Variants in FHIT observed in about 807,000 individuals in gnomAD.
The protein encoded by FHIT is bis(5'-adenosyl)-triphosphatase.
FHIT carries 19 observed loss-of-function variants against 17.9 expected under a neutral mutation model. That is an observed-to-expected ratio of 1.06 (90% CI 0.74 to 1.56). FHIT has a LOEUF of 1.56. Ranked by LOEUF, FHIT falls within the 40% of genes most tolerant of loss-of-function variation. FHIT has a pLI of 0.00. For missense variants in FHIT, 248 were observed against 189.2 expected (o/e 1.31, Z -1.82); for synonymous variants, 81 against 69.7 (o/e 1.16, Z -0.81).
chr3:60,776,569 C>T (rs1368411839), intron 4 of FHIT, among the ~76,000 whole-genome samples: 3 of 152,142 alleles, frequency 2.0e-5, no homozygotes, highest in African/African-American at 7.2e-5. Flanking sequence ...GTTTTCAGAA[C>T]TATATTGACT....
chr3:61,145,906 T>A (rs548545455), intron 2 of FHIT, among the ~76,000 whole-genome samples: 1 of 152,070 alleles, frequency 6.6e-6, no homozygotes, highest in Non-Finnish European at 1.5e-5. Context: ...AATAGTTTTT[T>A]AGTGAATTTG....
intron 8 of FHIT, among the ~76,000 whole-genome samples, chr3:59,757,773 C>A (rs1701293335): frequency 6.6e-6 from 1 of 152,078 alleles, no homozygotes; most frequent in Admixed American, 6.5e-5. Context: ...CTTAAATAAA[C>A]CATTTCTTAT....
chr3:59,971,957 G>A (rs964316626), intron 7 of FHIT, among the ~76,000 whole-genome samples: 4 of 152,150 alleles, frequency 2.6e-5, no homozygotes, highest in African/African-American at 9.7e-5. Context: ...TAGTTTCCAA[G>A]TTATAAGGGT....
intron 5 of FHIT, among the ~76,000 whole-genome samples, chr3:60,307,734 G>A (rs540967125): frequency 2.0e-5 from 3 of 152,230 alleles, no homozygotes; most frequent in Admixed American, 6.5e-5. Context: ...TGAAGCCAGT[G>A]TTGACCCTGG....
At chr3:59,926,626 C>A (rs1705675124) in intron 7 of FHIT, among the ~76,000 whole-genome samples, 2 of 152,156 alleles carry the variant, frequency 1.3e-5, no homozygotes, top group Admixed American at 1.3e-4. Flanking sequence ...GCCCAGAGAA[C>A]AAATTTCAAA....
chr3:59,783,792 C>T (rs1423207828), intron 8 of FHIT, among the ~76,000 whole-genome samples: 1 of 152,120 alleles, frequency 6.6e-6, no homozygotes, highest in East Asian at 1.9e-4. Flanking sequence ...AACCCCCACA[C>T]CCCACCAGTG....
intron 3 of FHIT, among the ~76,000 whole-genome samples, chr3:61,028,315 C>T (rs1299139067): frequency 6.6e-6 from 1 of 152,160 alleles, no homozygotes; most frequent in African/African-American, 2.4e-5. Flanking sequence ...TCCTTCCTGC[C>T]TCCAAGACAG....
intron 4 of FHIT, among the ~76,000 whole-genome samples, chr3:60,706,563 G>A (rs1014924171): frequency 1.3e-5 from 2 of 152,068 alleles, no homozygotes; most frequent in East Asian, 1.9e-4. Context: ...TAATTACCTC[G>A]ACATTTTAAA....
rs537724368 is a variant in FHIT at position 60,263,021 on chromosome 3, G to C, written c.104-248869C>G. ...TAAAAAATAACTAATATCTCAGTAA[G>C]ATAGTCAACCCAATTAAAAATGAGC... On this transcript the variant is annotated intron_variant, in intron 5 of 9. Transcript: ENST00000492590. 9.2e-5 allele frequency among the ~76,000 whole-genome samples: 14 copies of C among 151,914 alleles called. No homozygotes were observed. In the South Asian group the frequency reaches 2.9e-3, roughly 31 times the overall value.
At chr3:60,707,733 T>C (rs1475126227) in intron 4 of FHIT, among the ~76,000 whole-genome samples, 1 of 152,216 alleles carries the variant, frequency 6.6e-6, no homozygotes, top group Non-Finnish European at 1.5e-5. Context: ...TTAGAAAATA[T>C]TGTTTAAAAT....
At chr3:59,794,450 T>G (rs1158982854) in intron 8 of FHIT, among the ~76,000 whole-genome samples, 1 of 152,234 alleles carries the variant, frequency 6.6e-6, no homozygotes, top group Non-Finnish European at 1.5e-5. Context: ...TACTTTTCAT[T>G]TGCTATGGAG....
chr3:60,640,026 A>T (rs1365489918), intron 4 of FHIT, among the ~76,000 whole-genome samples: 1 of 152,238 alleles, frequency 6.6e-6, no homozygotes, highest in Non-Finnish European at 1.5e-5. Context: ...GAAGCGAGAC[A>T]CAAGGGAGTT....
chr3:61,072,441 T>C (rs757380366), intron 2 of FHIT, among the ~76,000 whole-genome samples: 20 of 152,128 alleles, frequency 1.3e-4, no homozygotes, highest in Non-Finnish European at 2.2e-4. Context: ...CCAGGGTCGT[T>C]CTGAAAAAGT....
At chr3:60,151,025 T>G (rs1186464653) in intron 5 of FHIT, among the ~76,000 whole-genome samples, 1 of 152,194 alleles carries the variant, frequency 6.6e-6, no homozygotes. Context: ...TATGGCAATA[T>G]CACATTGTTT....
rs1575734817 is a variant in FHIT, at chr3:60,946,820, G to A, written c.-111+95227C>T. On this transcript the variant is annotated intron_variant, in intron 3 of 9. Transcript: ENST00000492590. ...AAGCCTCCTTAAGAGTTTGCCAAGAGTATCAAGCAGCTATCCAAAAGAACT... is the reference window on the plus strand; with the variant it reads ...AAGCCTCCTTAAGAGTTTGCCAAGAATATCAAGCAGCTATCCAAAAGAACT... Among the ~76,000 whole-genome samples, 5 of 152,260 alleles carry A rather than the reference G, an allele frequency of 3.3e-5. No homozygotes were observed. The East Asian group carries it at 5.8e-4, about 18-fold the overall frequency.
chr3:59,830,063 C>A (rs1276385813), intron 8 of FHIT, among the ~76,000 whole-genome samples: 2 of 152,050 alleles, frequency 1.3e-5, no homozygotes, highest in East Asian at 1.9e-4. Flanking sequence ...GTGACAGAGA[C>A]CCTGTCTCAA....
At chr3:60,149,675 C>A (rs1225659098) in intron 5 of FHIT, among the ~76,000 whole-genome samples, 1 of 152,112 alleles carries the variant, frequency 6.6e-6, no homozygotes, top group East Asian at 1.9e-4. Flanking sequence ...GGAATTCAAT[C>A]ATCTCCTCCT....
chr3:59,921,028 C>T (rs1705376505), intron 8 of FHIT, among the ~76,000 whole-genome samples: 1 of 152,102 alleles, frequency 6.6e-6, no homozygotes. Context: ...GAATTGAGAC[C>T]TGCAGCAACT....
At chr3:60,965,906 A>G (rs1709715089) in intron 3 of FHIT, among the ~76,000 whole-genome samples, 2 of 152,198 alleles carry the variant, frequency 1.3e-5, no homozygotes, top group South Asian at 2.1e-4. Context: ...TTGAGGAGGC[A>G]TTCTGTCCGT....
Sources: allele counts gnomAD v4.1 joint callset (sites outside exome capture counted in the v4.1 genomes callset), GRCh38; gene constraint gnomAD v4.1.1; transcripts MANE v1.5; gene names NCBI Gene and HGNC (gene_info 2026-07-23, HGNC 2026-07-21).